The following C17orf75 variants were observed in gnomAD, a reference collection of about 807,000 sequenced individuals.
C17orf75 encodes the protein chromosome 17 open reading frame 75, also known as protein Njmu-R1.
Under a neutral mutation model 49.6 loss-of-function variants are expected in C17orf75, and 32 were observed. The observed-to-expected ratio is 0.65, with a 90% CI of 0.49 to 0.87. C17orf75 has a LOEUF of 0.87. C17orf75 is among the 40% of genes least tolerant of loss of function. The pLI is 0.00. For synonymous variants in C17orf75, 158 were observed against 159.5 expected (o/e 0.99, Z 0.07); for missense variants, 428 against 473.9 (o/e 0.90, Z 0.90).
At chr17:32,343,492 C>T (rs796812781), upstream of C17orf75, 1 of 251,934 alleles carries the variant, frequency 4.0e-6, no homozygotes, top group Non-Finnish European at 7.5e-6. Flanking sequence ...TCCTGCTTCT[C>T]AGATTTTCAC....
chr17:32,341,410 T>C (rs777784257), intron 1 of C17orf75, 126 bp from the exon 2 acceptor site: 15 of 887,124 alleles, frequency 1.7e-5, no homozygotes, highest in Non-Finnish European at 2.6e-5. Context: ...GTGCACTGCC[T>C]ATCCTCATGA....
rs2041254780 is a variant in C17orf75 at position 32,329,053 on chromosome 17, TAC to T, written c.*2708_*2709del. On this transcript the variant is annotated 3_prime_UTR_variant, in exon 10 of 10. Coordinates refer to ENST00000577809, the MANE Select transcript of C17orf75 (RefSeq NM_022344.4). ...CCATTTTCCTTGTCTACAGTAGTGA[TAC>T]AGAGTTTGTCAGACTTTTTTTTTTT... 1 of 152,224 alleles carries T rather than the reference TAC, an allele frequency of 6.6e-6. No homozygotes were observed. 9.4% of individuals were successfully genotyped at this position (152,224 alleles called of 1,614,324 possible). A position where few individuals can be genotyped will look rare whatever the true frequency, so the allele number is the denominator to read the frequency against.
rs114110795 is a variant in C17orf75, at chr17:32,333,969, T to C, written c.872-449A>G. 4.4e-3 allele frequency among the ~76,000 whole-genome samples: 665 copies of C among 152,312 alleles called. 6 individuals carry two copies. Among genetic ancestry groups the C allele is most frequent in the African/African-American group, 0.015 (635 of 41,584 alleles). ...CAGACGTCTTTAAACTTTTCCCATA[T>C]ACCTTTGCACGTGTAAGCCTTATCT... is the stretch of plus-strand genomic sequence containing the variant. On this transcript the variant is annotated intron_variant, in intron 8 of 9. Coordinates refer to ENST00000577809, the MANE Select transcript of C17orf75 (RefSeq NM_022344.4).
chr17:32,349,251 C>T (rs1344413247), intron 1 of C17orf75, among the ~76,000 whole-genome samples: 1 of 152,170 alleles, frequency 6.6e-6, no homozygotes, highest in East Asian at 1.9e-4. Flanking sequence ...CGGAGATACC[C>T]TTTCCTTCAC....
chr17:32,343,924 G>A (rs2041404639), upstream of C17orf75: 28 of 682,572 alleles, frequency 4.1e-5, 1 homozygote, highest in South Asian at 4.2e-4. Context: ...TAGATATTTG[G>A]CAAAACTAGG....
chr17:32,335,926 G>A (rs2041320749), intron 5 of C17orf75, among the ~76,000 whole-genome samples: 1 of 152,276 alleles, frequency 6.6e-6, no homozygotes, highest in South Asian at 2.1e-4. Context: ...AAGGATACAA[G>A]TAACTCATCA....
chr17:32,346,256 CA>C (rs1391550153), upstream of C17orf75, among the ~76,000 whole-genome samples: 1 of 151,932 alleles, frequency 6.6e-6, no homozygotes, highest in African/African-American at 2.4e-5. Flanking sequence ...CTTACCTCTA[CA>C]AAAAACACAA....
At chr17:32,334,651 G>A in intron 7 of C17orf75, 46 bp from the exon 8 acceptor site, 1 of 1,601,398 alleles carries the variant, frequency 6.2e-7, no homozygotes, top group Non-Finnish European at 8.5e-7. Flanking sequence ...TTGCAGGACG[G>A]AAGGATGAAA....
upstream of C17orf75, among the ~76,000 whole-genome samples, chr17:32,346,460 C>T (rs2041426004): frequency 6.6e-6 from 1 of 152,200 alleles, no homozygotes; most frequent in African/African-American, 2.4e-5. Flanking sequence ...CTTTGTTGCC[C>T]AGGCTCGCCT....
In C17orf75 at chr17:32,342,122, C is replaced by T. The variant is rs2150779661; in HGVS notation, c.18G>A (p.Gln6=). The T allele has an allele frequency of 6.2e-7, 1 of 1,601,460 alleles. No individual in the cohort carries two copies. The highest frequency in any genetic ancestry group is 8.5e-7 in the Non-Finnish European group (1 of 1,174,676). The change falls in exon 1 of 10, where the codon CAG becomes CAA. Residue 6 remains glutamine (Q), a synonymous_variant. Coordinates refer to ENST00000577809, the MANE Select transcript of C17orf75 (RefSeq NM_022344.4). MLPSL[Q]ESMDGDEKEL... is the part of the protein sequence containing the mutation. ...CCTTTTCATCTCCATCCATCGACTC[C>T]TGCAAAGAGGGGAGCATTGCGGCGG...
intron 5 of C17orf75, among the ~76,000 whole-genome samples, chr17:32,336,004 T>G (rs1243977189): frequency 6.6e-6 from 1 of 152,224 alleles, no homozygotes; most frequent in Non-Finnish European, 1.5e-5. Context: ...TAGGCTATAC[T>G]GCTCCCTGAA....
At chr17:32,346,600 G>C (rs2150781582), upstream of C17orf75, among the ~76,000 whole-genome samples, 2 of 152,044 alleles carry the variant, frequency 1.3e-5, no homozygotes, top group African/African-American at 4.8e-5. Flanking sequence ...TTGAGACGCA[G>C]TCTCGCTCTG....
intron 5 of C17orf75, among the ~76,000 whole-genome samples, chr17:32,337,536 A>G (rs1034555717): frequency 4.6e-5 from 7 of 152,094 alleles, no homozygotes; most frequent in African/African-American, 1.7e-4. Context: ...CTTTGTGTCT[A>G]CCTATATGAT....
At chr17:32,349,358 G>A (rs1462026644) in intron 1 of C17orf75, among the ~76,000 whole-genome samples, 1 of 151,316 alleles carries the variant, frequency 6.6e-6, no homozygotes, top group Non-Finnish European at 1.5e-5. Context: ...GAGGCGGGCG[G>A]ATCACTTGAG....
In C17orf75 at chr17:32,338,240, A is replaced by C; in HGVS notation, c.459T>G (p.Cys153Trp). The change falls in exon 4 of 10, where the codon TGT becomes TGG. Residue 153 changes from cysteine (C) to tryptophan (W), a missense_variant. Coordinates refer to ENST00000577809, the MANE Select transcript of C17orf75 (RefSeq NM_022344.4). ...GTCCTTTTTCAGACCCTCCTAAAAA[A>C]CAGACCACATATTCTGAAGGGTTAC... ...SERNPSEYVV[C>W]FLGGSEKGLE... 1 of 1,612,532 alleles carries C rather than the reference A, an allele frequency of 6.2e-7. No individual in the cohort carries two copies. The highest frequency in any genetic ancestry group is 8.5e-7 in the Non-Finnish European group (1 of 1,179,598).
chr17:32,346,279 G>C (rs2041424644), upstream of C17orf75, among the ~76,000 whole-genome samples: 1 of 152,090 alleles, frequency 6.6e-6, no homozygotes. Context: ...AATTAGCAAG[G>C]CATGGTGGCA....
intron 1 of C17orf75, among the ~76,000 whole-genome samples, chr17:32,347,837 T>C (rs1237960233): frequency 4.6e-5 from 7 of 152,184 alleles, no homozygotes; most frequent in Non-Finnish European, 8.8e-5. Flanking sequence ...GTTGGGGGGA[T>C]ATTCAGCACA....
Position 32,341,676 on chromosome 17 carries a change from G to A in C17orf75, c.140+324C>T, listed in dbSNP as rs1597738447. On this transcript the variant is annotated intron_variant, in intron 1 of 9. Transcript: ENST00000577809. ...GGGGAGATAATGACAGAAAGGAGAG[G>A]GGACGGGAACTGAAATTATTGAGCA... 6.7e-6 allele frequency: 3 copies of A among 448,730 alleles called. No homozygotes were observed. The East Asian group carries it at 2.6e-4, about 39-fold the overall frequency. The allele number at this position is 448,730 out of a possible 1,614,324, so 27.8% of individuals were successfully genotyped here. A position where few individuals can be genotyped will look rare whatever the true frequency, so the allele number is the denominator to read the frequency against.
In C17orf75 at chr17:32,335,436, C is replaced by G. The variant is rs773538855; in HGVS notation, c.556G>C (p.Gly186Arg). The change falls in exon 6 of 10, where the codon GGC (glycine) becomes CGC (arginine). Residue 186 changes from glycine (G) to arginine (R), a missense_variant. Transcript: ENST00000577809. The stretch of plus-strand genomic sequence containing the variant: ...TAGGATTTTATGTGACTCTCCAGGC[C>G]CCTTGCCTAAATCAAGAAAGAACAT... Reference protein sequence around the residue: ...LKNNMNCEARGLESHIKSYLS... With the variant: ...LKNNMNCEARRLESHIKSYLS... 2.5e-6 allele frequency: 4 copies of G among 1,613,236 alleles called. No individual in the cohort carries two copies. In the South Asian group the frequency reaches 3.3e-5, roughly 13 times the overall value.
Sources: allele counts gnomAD v4.1 joint callset (sites outside exome capture counted in the v4.1 genomes callset), GRCh38; gene constraint gnomAD v4.1.1; transcripts MANE v1.5; gene names NCBI Gene and HGNC (gene_info 2026-07-23, HGNC 2026-07-21).